RAB37: variants seen among roughly 807,000 people sequenced by gnomAD.
RAB37 encodes the protein RAB37, member RAS oncogene family, also known as ras-related protein Rab-37.
In RAB37, 29 loss-of-function variants were observed where a neutral mutation model predicts 33.1. That is an observed-to-expected ratio of 0.88 (90% confidence interval 0.65 to 1.20). The LOEUF (loss-of-function observed/expected upper bound fraction) is 1.20, where lower values mean the gene tolerates loss of function less well. Ranked by LOEUF, RAB37 falls within the 50% of genes most tolerant of loss-of-function variation. The probability of loss-of-function intolerance (pLI) is 0.00; values close to 1 mark genes in which losing one functional copy is unlikely to be tolerated. For synonymous variants in RAB37, 128 were observed against 119.5 expected, an observed-to-expected ratio of 1.07 and a Z score of -0.47; for missense variants, 299 against 301.1, an observed-to-expected ratio of 0.99 and a Z score of 0.05.
In RAB37 at chr17:74,717,929, T is replaced by C. The variant is rs150470758; in HGVS notation, c.73-11327T>C. ...CCCTGAGGAGTGGGTCCTCACCAGA[T>C]CCTGAGCCTACCAGTGCCTTGACCT... is the stretch of plus-strand genomic sequence containing the variant. On this transcript the variant is annotated intron_variant, in intron 1 of 7. Transcript: ENST00000340415. Among the ~76,000 whole-genome samples the C allele has an allele frequency of 2.2e-3, 327 of 151,908 alleles. 1 individual carries two copies. Among genetic ancestry groups the C allele is most frequent in the East Asian group, 0.021 (108 of 5,156 alleles).
At chr17:74,683,975 T>TA (rs2032004442) in intron 1 of RAB37, among the ~76,000 whole-genome samples, 1 of 152,200 alleles carries the variant, frequency 6.6e-6, no homozygotes, top group Non-Finnish European at 1.5e-5. Flanking sequence ...TAAGTGGCTG[T>TA]GACAGAGGCA....
Position 74,729,096 on chromosome 17 carries a change from A to ATG in RAB37, c.73-152_73-151dup, listed in dbSNP as rs1237212549. 2.0e-5 allele frequency among the ~76,000 whole-genome samples: 3 copies of ATG among 151,348 alleles called. No homozygotes were observed. In the East Asian group the frequency reaches 5.9e-4, roughly 30 times the overall value. The stretch of plus-strand genomic sequence containing the variant: ...TGTGTACATGTTTTTCTATGTCTGT[A>ATG]TGTGTGTGTCAGTGTCTTGTGTGTG... On this transcript the variant is annotated intron_variant, in intron 1 of 7. Transcript: ENST00000340415. The surrounding 1 kb of genome is among the most constrained non-coding windows in gnomAD (Gnocchi z 4.2).
At chr17:74,725,085 C>G (rs781645911) in intron 1 of RAB37, among the ~76,000 whole-genome samples, 1 of 152,178 alleles carries the variant, frequency 6.6e-6, no homozygotes, top group African/African-American at 2.4e-5. Context: ...AATCTTCCCT[C>G]CTGAACAAAA....
At position 74,730,039 on chromosome 17, in the gene RAB37, C is replaced by G. The variant is rs1287113285; in HGVS notation, c.183+673C>G. Among the ~76,000 whole-genome samples the G allele has an allele frequency of 6.6e-6, 1 of 152,154 alleles. No homozygotes were observed. The highest frequency in any genetic ancestry group is 1.5e-5 in the Non-Finnish European group (1 of 68,024). On this transcript the variant is annotated intron_variant, in intron 2 of 7. Transcript: ENST00000340415. This position sits in a 1 kb window ranked among gnomAD's most constrained non-coding sequence, Gnocchi z 4.4. ...TGCCCTCGGCTTTTTCTGCCCGCAG[C>G]CCCTCTGCGAGACAAGGGATCCCTC...
Position 74,738,221 on chromosome 17 carries a change from C to T in RAB37, c.93+856C>T, listed in dbSNP as rs2034526576. ...GTGAGGGCTGTCCTGGATTCCGCTG[C>T]ATGGCCTTGAAGGAGACCTGCCTCT... On this transcript the variant is annotated intron_variant, in intron 1 of 8. Coordinates refer to ENST00000392613, the MANE Select transcript of RAB37 (RefSeq NM_001006638.3). The surrounding 1 kb of genome is among the most constrained non-coding windows in gnomAD (Gnocchi z 5.0). 6.6e-6 allele frequency among the ~76,000 whole-genome samples: 1 copy of T among 152,198 alleles called. No homozygotes were observed.
At chr17:74,733,815 C>T (rs574142746), upstream of RAB37, among the ~76,000 whole-genome samples, 16 of 152,128 alleles carry the variant, frequency 1.1e-4, no homozygotes, top group South Asian at 3.1e-3. Flanking sequence ...CCCGAGGCTG[C>T]CCTTGAACAC....
At chr17:74,690,098 T>C (rs916479561) in intron 1 of RAB37, among the ~76,000 whole-genome samples, 2 of 152,082 alleles carry the variant, frequency 1.3e-5, no homozygotes, top group African/African-American at 4.8e-5. Flanking sequence ...TCTACAGTCG[T>C]GCACAACCAC....
At chr17:74,696,326 G>T in intron 1 of RAB37, 2 of 1,204,758 alleles carry the variant, frequency 1.7e-6, no homozygotes, top group Non-Finnish European at 2.3e-6. Flanking sequence ...ATTGGGTCCA[G>T]GCTCAGAGAC....
intron 1 of RAB37, among the ~76,000 whole-genome samples, chr17:74,717,039 G>A (rs1409200226): frequency 6.6e-6 from 1 of 152,218 alleles, no homozygotes; most frequent in Non-Finnish European, 1.5e-5. Context: ...GGAGGCTGAG[G>A]CAGGAGAATC....
chr17:74,699,139 G>A (rs2032797241), intron 1 of RAB37, among the ~76,000 whole-genome samples: 1 of 152,064 alleles, frequency 6.6e-6, no homozygotes, highest in Non-Finnish European at 1.5e-5. Context: ...GGCTGGTCTC[G>A]AACTCCTAAC....
chr17:74,736,042 C>A (rs1456913156), upstream of RAB37, among the ~76,000 whole-genome samples: 1 of 152,124 alleles, frequency 6.6e-6, no homozygotes, highest in African/African-American at 2.4e-5. Context: ...CCCGTCTCTA[C>A]TAAAAATACA....
At chr17:74,719,671 C>T (rs2034213022) in intron 1 of RAB37, among the ~76,000 whole-genome samples, 1 of 151,992 alleles carries the variant, frequency 6.6e-6, no homozygotes, top group Admixed American at 6.6e-5. Context: ...GCATGCACCA[C>T]CAAGCCCAGC....
chr17:74,698,600 T>C, intron 1 of RAB37: 1 of 1,503,390 alleles, frequency 6.7e-7, no homozygotes, highest in Non-Finnish European at 8.9e-7. Context: ...GTCTGTAGTT[T>C]GCAGCCTGGG....
Position 74,742,921 on chromosome 17 carries a change from G to A in RAB37, c.247-208G>A, listed in dbSNP as rs1033589724. 3.3e-5 allele frequency among the ~76,000 whole-genome samples: 5 copies of A among 152,120 alleles called. No homozygotes were observed. Among genetic ancestry groups the A allele is most frequent in the Admixed American group, 6.5e-5 (1 of 15,274 alleles). On this transcript the variant is annotated intron_variant, in intron 3 of 8. Coordinates refer to ENST00000392613, the MANE Select transcript of RAB37 (RefSeq NM_001006638.3). The surrounding 1 kb of genome is among the most constrained non-coding windows in gnomAD (Gnocchi z 4.0). ...ATTACAGGTGTAAGCCACCGCGCTC[G>A]GCTGAGGAGATGATTTTGAACGAGC...
intron 1 of RAB37, among the ~76,000 whole-genome samples, chr17:74,708,779 G>A (rs944031720): frequency 4.6e-5 from 7 of 152,052 alleles, no homozygotes; most frequent in Admixed American, 1.3e-4. Flanking sequence ...AGCCAGGCGT[G>A]GTGGCGGGCG....
At chr17:74,735,170 G>A (rs1232879033), upstream of RAB37, among the ~76,000 whole-genome samples, 4 of 146,748 alleles carry the variant, frequency 2.7e-5, no homozygotes, top group African/African-American at 7.6e-5. Flanking sequence ...AAAGAAGGAA[G>A]GAAGGGAGGG....
At chr17:74,741,353 C>T (rs1354976760) in intron 2 of RAB37, among the ~76,000 whole-genome samples, 2 of 151,946 alleles carry the variant, frequency 1.3e-5, no homozygotes, top group African/African-American at 2.4e-5. Context: ...TTTGGGAGGC[C>T]GAAGCGGTCA....
intron 1 of RAB37, among the ~76,000 whole-genome samples, chr17:74,728,769 A>C (rs111210885): frequency 1.0e-3 from 151 of 148,378 alleles, no homozygotes; most frequent in Middle Eastern, 3.8e-3. Flanking sequence ...TGTCTTGTGC[A>C]TGTATGTTTC....
At chr17:74,695,030 G>T in intron 1 of RAB37, 1 of 1,526,704 alleles carries the variant, frequency 6.6e-7, no homozygotes, top group Admixed American at 1.9e-5. Context: ...GGAGCAGGGG[G>T]CAGACGGTCG....
Sources: gnomAD v4.1 joint callset for allele counts (sites outside exome capture counted in the v4.1 genomes callset) on GRCh38, gnomAD v4.1.1 for gene constraint, Gnocchi (gnomAD v3.1) non-coding constraint, MANE v1.5 for transcripts, NCBI Gene and HGNC (gene_info 2026-07-23, HGNC 2026-07-21) for gene names.